The following DOCK7 variants were observed in gnomAD, a reference collection of about 807,000 sequenced individuals.
DOCK7 encodes dedicator of cytokinesis 7.
A neutral mutation model predicts 271.0 loss-of-function variants in DOCK7; 138 were observed. That is an observed-to-expected ratio of 0.51 (90% CI 0.44 to 0.59). The LOEUF is 0.59. DOCK7 is among the 20% of genes least tolerant of loss of function. DOCK7 has a pLI of 0.00. For missense variants in DOCK7, 2,066 were observed against 2,592.4 expected (o/e 0.80, Z 4.41); for synonymous variants, 823 against 876.1 (o/e 0.94, Z 1.07).
At chr1:62,622,401 G>T in intron 12 of DOCK7, among the ~76,000 whole-genome samples, 1 of 151,886 alleles carries the variant, frequency 6.6e-6, no homozygotes, top group South Asian at 2.1e-4. Context: ...GTGTGGGTTT[G>T]ATTTTTTTTT....
rs1456799508 is a variant in DOCK7, at chr1:62,577,365, T to C, written c.2011-2A>G. The C allele has an allele frequency of 6.4e-7, 1 of 1,551,182 alleles. No homozygotes were observed. The highest frequency in any genetic ancestry group is 1.4e-5 in the African/African-American group (1 of 73,710). ...TCCATTCTGAAGCATTGGTATCCAC[T>C]TTTAAATGAAAAGAAAACAATTTTA... On this transcript the variant is annotated splice_acceptor_variant, in intron 17 of 49. Coordinates refer to ENST00000635253, the MANE Select transcript of DOCK7 (RefSeq NM_001367561.1). LOFTEE classifies it high-confidence loss of function.
chr1:62,565,090 A>G (rs753638158), intron 18 of DOCK7, among the ~76,000 whole-genome samples: 4 of 152,270 alleles, frequency 2.6e-5, no homozygotes, highest in Non-Finnish European at 5.9e-5. Flanking sequence ...CCAGGACCAG[A>G]AGGATTCATA....
chr1:62,504,703 C>T lies in DOCK7; in HGVS notation c.4691G>A (p.Ser1564Asn). 6 of 1,614,124 alleles carry T rather than the reference C, an allele frequency of 3.7e-6. No individual in the cohort carries two copies. The highest frequency in any genetic ancestry group is 5.1e-6 in the Non-Finnish European group (6 of 1,180,010). ...GGCGTGTGACCGTATTGTACCGATG[C>T]TACTGCTACAGTGTCGGAGAAGCCT... ...CLRLLRHCSS[S>N]IGTIRSHASA... Residue 1564 changes from serine to asparagine, a missense_variant, in exon 37 of 50, where the codon AGC becomes AAC. Coordinates refer to ENST00000635253, the MANE Select transcript of DOCK7 (RefSeq NM_001367561.1).
At position 62,461,317 on chromosome 1, in the gene DOCK7, AATT is replaced by A. The variant is rs1557577279; in HGVS notation, c.6213-3615_6213-3613del. On this transcript the variant is annotated intron_variant, in intron 48 of 49. Transcript: ENST00000635253. ...GAATTAATAAGTCTATTAAGATAAT[AATT>A]CTAATAAGATAAATTATTAGAATTA... 6.6e-5 allele frequency among the ~76,000 whole-genome samples: 10 copies of A among 152,244 alleles called. No individual in the cohort carries two copies. The South Asian group carries it at 2.1e-3, about 32-fold the overall frequency.
chr1:62,560,457 G>A (rs867424334), intron 19 of DOCK7, among the ~76,000 whole-genome samples: 8 of 152,128 alleles, frequency 5.3e-5, no homozygotes, highest in Middle Eastern at 6.8e-3. Context: ...AACTCAACAG[G>A]TTCAAAAATA....
Position 62,483,209 on chromosome 1 carries a change from T to TTTTTTTCTG in DOCK7, c.5508+4188_5508+4189insCAGAAAAAA, listed in dbSNP as rs1217235928. 21 of 74,400 alleles carry TTTTTTTCTG rather than the reference T, an allele frequency of 2.8e-4. 4 individuals carry two copies. The highest frequency in any genetic ancestry group is 5.2e-4 in the Admixed American group (3 of 5,796). The allele number at this position is 74,400 out of a possible 1,614,324, so 4.6% of individuals were successfully genotyped here. A position where few individuals can be genotyped will look rare whatever the true frequency, so the allele number is the denominator to read the frequency against. ...TTTTTTTTTTTTTTTTTTTTTTTTT[T>TTTTTTTCTG]TTGGGTAGAGATGAGATCTCAGTGT... On this transcript the variant is annotated intron_variant, in intron 43 of 49. Transcript: ENST00000635253.
At chr1:62,559,978 G>C (rs1233093580) in intron 19 of DOCK7, among the ~76,000 whole-genome samples, 1 of 152,162 alleles carries the variant, frequency 6.6e-6, no homozygotes, top group Non-Finnish European at 1.5e-5. Flanking sequence ...CCTGGGAATT[G>C]AGTCTGTACT....
chr1:62,529,145 ATATT>A, intron 30 of DOCK7, 128 bp downstream of exon 30: 1 of 860,010 alleles, frequency 1.2e-6, no homozygotes. Context: ...ATATAGTTTA[ATATT>A]TATAGTTTAC....
chr1:62,520,242 T>C (rs1273005389), intron 31 of DOCK7, among the ~76,000 whole-genome samples: 3 of 152,128 alleles, frequency 2.0e-5, no homozygotes, highest in African/African-American at 7.2e-5. Context: ...AAAGCCAAAA[T>C]TGACAAATGG....
In DOCK7 at chr1:62,477,811, G is replaced by C. The variant is rs759374954; in HGVS notation, c.5523C>G (p.Thr1841=). Residue 1841 remains threonine, a synonymous_variant, in exon 44 of 50, where the codon ACC becomes ACG. Transcript: ENST00000635253. The part of the protein sequence containing the change: ...QSTGWERMFG[T]YFRVGFYGTK... ...TTCCATAAAAACCAACACGAAAATA[G>C]GTGCCAAACATCCGCTTACCATCCT... 1 of 1,607,062 alleles carries C rather than the reference G, an allele frequency of 6.2e-7. No homozygotes were observed. The highest frequency in any genetic ancestry group is 1.1e-5 in the South Asian group (1 of 89,572).
chr1:62,597,759 A>T, intron 14 of DOCK7: 1 of 1,613,616 alleles, frequency 6.2e-7, no homozygotes, highest in Non-Finnish European at 8.5e-7. Flanking sequence ...CCATAAGACG[A>T]AGGGCCAAAT....
chr1:62,639,090 T>C (rs929796156), intron 7 of DOCK7, among the ~76,000 whole-genome samples: 2 of 152,186 alleles, frequency 1.3e-5, no homozygotes, highest in Non-Finnish European at 2.9e-5. Flanking sequence ...AGTTGTCTAA[T>C]CATGTACCAA....
At chr1:62,668,253 T>C (rs1659541625) in intron 1 of DOCK7, among the ~76,000 whole-genome samples, 1 of 152,140 alleles carries the variant, frequency 6.6e-6, no homozygotes, top group African/African-American at 2.4e-5. Flanking sequence ...TGCCAAAATC[T>C]CTTACGGGTC....
chr1:62,657,258 T>C (rs1163446024), intron 2 of DOCK7, among the ~76,000 whole-genome samples: 1 of 152,126 alleles, frequency 6.6e-6, no homozygotes, highest in African/African-American at 2.4e-5. Context: ...CTAAATAGTG[T>C]GGGCTGTGGT....
rs200785483 is a variant in DOCK7, at chr1:62,597,951, G to T, written c.1683-11327C>A. The T allele has an allele frequency of 2.6e-6, 4 of 1,552,622 alleles. No individual in the cohort carries two copies. Among genetic ancestry groups the T allele is most frequent in the Non-Finnish European group, 3.5e-6 (4 of 1,158,166 alleles). On this transcript the variant is annotated intron_variant, in intron 14 of 49. Coordinates refer to ENST00000635253, the MANE Select transcript of DOCK7 (RefSeq NM_001367561.1). Reference sequence around the variant, plus strand: ...CAACTCAAAACTTGAAAGCCTCCTAGAAGAAAAAATTCTACTTCAACAAAA... The same window carrying T: ...CAACTCAAAACTTGAAAGCCTCCTATAAGAAAAAATTCTACTTCAACAAAA...
chr1:62,610,004 C>T (rs1651557272), intron 14 of DOCK7, among the ~76,000 whole-genome samples: 1 of 152,102 alleles, frequency 6.6e-6, no homozygotes, highest in African/African-American at 2.4e-5. Context: ...GTATGTGCCA[C>T]CATGCCTGGC....
At chr1:62,638,672 T>C (rs1453862174) in intron 7 of DOCK7, among the ~76,000 whole-genome samples, 1 of 148,816 alleles carries the variant, frequency 6.7e-6, no homozygotes, top group African/African-American at 2.4e-5. Flanking sequence ...TTCATGAATA[T>C]ATATATATAG....
At chr1:62,674,696 A>C (rs539479034) in intron 1 of DOCK7, among the ~76,000 whole-genome samples, 2 of 152,234 alleles carry the variant, frequency 1.3e-5, no homozygotes, top group African/African-American at 4.8e-5. Context: ...GTGCCAAGGC[A>C]ATTCAATTGG....
chr1:62,659,196 C>G (rs2149707936), intron 2 of DOCK7, among the ~76,000 whole-genome samples: 1 of 152,250 alleles, frequency 6.6e-6, no homozygotes, highest in Non-Finnish European at 1.5e-5. Context: ...TCCTTTTCCT[C>G]TTGACTTTTC....
Sources: allele counts gnomAD v4.1 joint callset (sites outside exome capture counted in the v4.1 genomes callset), GRCh38; gene constraint gnomAD v4.1.1; transcripts MANE v1.5; gene names NCBI Gene and HGNC (gene_info 2026-07-23, HGNC 2026-07-21).